Variants in EML2 observed in about 807,000 individuals in gnomAD.
EML2 encodes echinoderm microtubule-associated protein-like 2.
Under a neutral mutation model 84.7 loss-of-function variants are expected in EML2, and 59 were observed. The ratio of observed to expected loss-of-function variants is 0.70; its 90% CI spans 0.56 to 0.86. The LOEUF (loss-of-function observed/expected upper bound fraction) is 0.86. Among genes scored for constraint, EML2 ranks in the 40% least tolerant of loss-of-function variants. EML2 has a pLI of 0.00. For missense variants in EML2, 818 were observed against 855.6 expected, an observed-to-expected ratio of 0.96 and a Z score of 0.55; for synonymous variants, 352 against 348.9, an observed-to-expected ratio of 1.01 and a Z score of -0.10.
intron 5 of EML2, 39 bp from the exon 6 acceptor site, chr19:45,633,010 C>CT (rs111885973): frequency 0.13 from 211,356 of 1,604,678 alleles, 14,678 homozygotes; most frequent in East Asian, 0.22. Flanking sequence ...GGGGTGCCAG[C>CT]TGCTTGTCCC....
chr19:45,624,769 C>T lies in EML2; in HGVS notation c.791G>A (p.Gly264Asp), dbSNP rs1340966444. ...CCCAGAGTCCCCCGTGACCACGTCG[C>T]CACCTTCCAAAAAGGTCACACACAG... ...YVLCVTFLEG[G>D]DVVTGDSGGN... is the part of the protein sequence containing the mutation. The change falls in exon 9 of 19, where the codon GGC becomes GAC. Residue 264 changes from glycine (G) to aspartate (D), a missense_variant. Coordinates refer to ENST00000245925, the MANE Select transcript of EML2 (RefSeq NM_012155.4). 4 of 1,613,928 alleles carry T rather than the reference C, an allele frequency of 2.5e-6. No homozygotes were observed. Among genetic ancestry groups the T allele is most frequent in the Non-Finnish European group, 3.4e-6 (4 of 1,179,948 alleles).
chr19:45,642,249 C>G (rs1302296321), upstream of EML2: 3 of 1,535,944 alleles, frequency 2.0e-6, no homozygotes, highest in East Asian at 2.4e-5. Flanking sequence ...CCGCCAGCGC[C>G]GCCTTTAGGA....
chr19:45,609,569 T>C lies in EML2; in HGVS notation c.*94A>G. ...CCCGCCCCCATAACCCCCTCTGCTA[T>C]AGACATACTCTGGGTATATATTACT... On this transcript the variant is annotated 3_prime_UTR_variant, in exon 19 of 19. Coordinates refer to ENST00000245925, the MANE Select transcript of EML2 (RefSeq NM_012155.4). 7.9e-7 allele frequency: 1 copy of C among 1,270,252 alleles called. No homozygotes were observed. The highest frequency in any genetic ancestry group is 1.0e-6 in the Non-Finnish European group (1 of 956,084). The allele number at this position is 1,270,252 out of a possible 1,614,324, so 78.7% of individuals were successfully genotyped here.
chr19:45,621,263 T>C lies in EML2; in HGVS notation c.1066A>G (p.Thr356Ala), dbSNP rs1272594239. ...GAGCCCTGCAGGATGGAATTGCGGG[T>C]GGTCCCCACGTACAGTGTGTCTCCG... ...GHGDTLYVGTTRNSILQGSVH... is the reference protein window; with the variant it reads ...GHGDTLYVGTARNSILQGSVH... The change falls in exon 11 of 19, where the codon ACC becomes GCC. Residue 356 changes from threonine (T) to alanine (A), a missense_variant. Transcript: ENST00000245925. 6.2e-7 allele frequency: 1 copy of C among 1,613,774 alleles called. No homozygotes were observed. The highest frequency in any genetic ancestry group is 8.5e-7 in the Non-Finnish European group (1 of 1,179,980).
At chr19:45,626,594 G>A (rs537146939) in intron 8 of EML2, 111 bp downstream of exon 8, 10 of 1,234,338 alleles carry the variant, frequency 8.1e-6, no homozygotes, top group South Asian at 4.7e-5. Flanking sequence ...ACATCTCAGC[G>A]TCCCTGTAAT....
chr19:45,620,111 A>T (rs1286607946), intron 11 of EML2, among the ~76,000 whole-genome samples: 1 of 152,020 alleles, frequency 6.6e-6, no homozygotes, highest in Non-Finnish European at 1.5e-5. Context: ...AACTATTAAT[A>T]TTTATAACAA....
chr19:45,643,504 C>T (rs147910350), upstream of EML2: 26,024 of 1,529,570 alleles, frequency 0.017, 282 homozygotes, highest in Middle Eastern at 0.028. Flanking sequence ...CCCCCAACCC[C>T]GCTCATTTTC....
upstream of EML2, chr19:45,642,012 T>C (rs918162014): frequency 4.2e-6 from 6 of 1,444,238 alleles, no homozygotes; most frequent in Admixed American, 1.1e-4. Context: ...AGGGGCGTCC[T>C]GGTGGGAAGG....
Position 45,615,824 on chromosome 19 carries a change from G to C in EML2, c.1575C>G (p.Ser525=). Residue 525 remains serine (S), a synonymous_variant, in exon 16 of 19, where the codon TCC becomes TCG. Coordinates refer to ENST00000245925, the MANE Select transcript of EML2 (RefSeq NM_012155.4). ...CACAGTACAGAATCTCATAGTCCCCGGAGTTGGTGACAAAGCAGCTGCTGT... is the reference window on the plus strand; with the variant it reads ...CACAGTACAGAATCTCATAGTCCCCCGAGTTGGTGACAAAGCAGCTGCTGT... ...AQDSSCFVTN[S]GDYEILYWDP... is the part of the protein sequence containing the mutation. 6.2e-7 allele frequency: 1 copy of C among 1,613,832 alleles called. No individual in the cohort carries two copies. The highest frequency in any genetic ancestry group is 2.2e-5 in the East Asian group (1 of 44,872).
intron 18 of EML2, among the ~76,000 whole-genome samples, chr19:45,612,533 G>A (rs1187516066): frequency 6.6e-6 from 1 of 152,144 alleles, no homozygotes; most frequent in African/African-American, 2.4e-5. Context: ...AATTGGCCAG[G>A]TGTGGTGGTG....
Position 45,609,886 on chromosome 19 carries a change from T to C in EML2, c.1825-98A>G, listed in dbSNP as rs1305877200. The C allele has an allele frequency of 8.1e-5, 99 of 1,218,786 alleles. 2 individuals carry two copies. Among genetic ancestry groups the C allele is most frequent in the Non-Finnish European group, 9.6e-5 (87 of 905,040 alleles). 75.5% of individuals were successfully genotyped at this position (1,218,786 alleles called of 1,614,324 possible). A position where few individuals can be genotyped will look rare whatever the true frequency, so the allele number is the denominator to read the frequency against. Reference sequence around the variant, plus strand: ...TGACCCGGTTCTTTTCTGCTCTTCCTCTTTTTTTTTTTTTTTAATCACTTA... The same window carrying C: ...TGACCCGGTTCTTTTCTGCTCTTCCCCTTTTTTTTTTTTTTTAATCACTTA... On this transcript the variant is annotated intron_variant, in intron 18 of 18. Transcript: ENST00000245925.
upstream of EML2, chr19:45,645,181 G>A (rs113848115): frequency 7.4e-7 from 1 of 1,356,646 alleles, no homozygotes; most frequent in Non-Finnish European, 9.9e-7. Flanking sequence ...AGCAAGGGAG[G>A]GGGTTGGGGA....
At chr19:45,636,561 T>A (rs1462022005) in intron 3 of EML2, among the ~76,000 whole-genome samples, 1 of 152,224 alleles carries the variant, frequency 6.6e-6, no homozygotes, top group Non-Finnish European at 1.5e-5. Flanking sequence ...AATGAGTCTG[T>A]TCCCATGCTA....
intron 3 of EML2, among the ~76,000 whole-genome samples, chr19:45,637,225 A>C (rs1307693188): frequency 2.0e-5 from 3 of 152,184 alleles, no homozygotes; most frequent in Non-Finnish European, 4.4e-5. Context: ...GCAGACAAGG[A>C]CCGGGTTCCT....
At chr19:45,615,770 G>C in intron 16 of EML2, 32 bp downstream of exon 16, 1 of 1,573,042 alleles carries the variant, frequency 6.4e-7, no homozygotes, top group Non-Finnish European at 8.7e-7. Context: ...TGAGACGGAG[G>C]AAGTAATGTC....
chr19:45,619,437 G>A, intron 11 of EML2: 1 of 307,814 alleles, frequency 3.2e-6, no homozygotes, highest in Non-Finnish European at 6.1e-6. Context: ...TTGCACAATG[G>A]GAGGCAGGAG....
upstream of EML2, chr19:45,641,855 CA>C: frequency 1.3e-6 from 2 of 1,483,274 alleles, no homozygotes; most frequent in Non-Finnish European, 8.9e-7. Context: ...CTCAGGCAAA[CA>C]AACCACCTCT....
intron 3 of EML2, 44 bp from the exon 4 acceptor site, chr19:45,634,515 G>GT: frequency 2.8e-6 from 4 of 1,412,932 alleles, no homozygotes; most frequent in Non-Finnish European, 2.8e-6. Flanking sequence ...TTTTGTTGTT[G>GT]TTGTTTGTTT....
intron 9 of EML2, 113 bp from the exon 10 acceptor site, chr19:45,621,750 C>CTT (rs34741603): frequency 1.5e-3 from 1,460 of 987,526 alleles, no homozygotes; most frequent in Non-Finnish European, 1.7e-3. Context: ...ACTTTTCCAC[C>CTT]TTTTTTTTTT....
Sources: gnomAD v4.1 joint callset for allele counts (sites outside exome capture counted in the v4.1 genomes callset) on GRCh38, gnomAD v4.1.1 for gene constraint, MANE v1.5 for transcripts, NCBI Gene and HGNC (gene_info 2026-07-23, HGNC 2026-07-21) for gene names.